TBC1D12: variants seen among roughly 807,000 people sequenced by gnomAD.
TBC1D12 encodes the protein TBC1 domain family, member 12.
TBC1D12 carries 56 observed loss-of-function variants against 86.7 expected under a neutral mutation model. The ratio of observed to expected loss-of-function variants is 0.65; its 90% confidence interval spans 0.52 to 0.81. TBC1D12 has a LOEUF of 0.81. Ranked by LOEUF, TBC1D12 falls within the 30% of genes least tolerant of loss-of-function variation. The probability of loss-of-function intolerance (pLI) is 0.00; values close to 1 mark genes in which losing one functional copy is unlikely to be tolerated. For synonymous variants in TBC1D12, 421 were observed against 411.7 expected (o/e 1.02, Z -0.27); for missense variants, 1,023 against 1,038.8 (o/e 0.98, Z 0.21).
intron 5 of TBC1D12, among the ~76,000 whole-genome samples, chr10:94,499,928 C>T (rs777660577): frequency 6.6e-5 from 10 of 151,928 alleles, no homozygotes; most frequent in Non-Finnish European, 1.3e-4. Flanking sequence ...TTTTTATGTC[C>T]CTTTTATCCT....
rs531378215 is a variant in TBC1D12 at position 94,525,811 on chromosome 10, A to G, written c.2000+3358A>G. Among the ~76,000 whole-genome samples the G allele has an allele frequency of 4.0e-4, 59 of 148,406 alleles. 1 individual carries two copies. In the South Asian group the frequency reaches 0.011, roughly 27 times the overall value. On this transcript the variant is annotated intron_variant, in intron 11 of 12. Coordinates refer to ENST00000225235, the MANE Select transcript of TBC1D12 (RefSeq NM_015188.2). ...TTTCACTCTTTTGAAGTTTTAAAAT[A>G]TTTTTTTTAGTTGACACATAATAAT...
At chr10:94,427,249 T>C (rs1046130715) in intron 1 of TBC1D12, among the ~76,000 whole-genome samples, 1 of 152,212 alleles carries the variant, frequency 6.6e-6, no homozygotes, top group Non-Finnish European at 1.5e-5. Context: ...TCTTACCTTC[T>C]GGTGACAAAT....
At chr10:94,426,378 T>C (rs1488694262) in intron 1 of TBC1D12, among the ~76,000 whole-genome samples, 1 of 152,162 alleles carries the variant, frequency 6.6e-6, no homozygotes, top group Non-Finnish European at 1.5e-5. Flanking sequence ...TAGTTTTCTT[T>C]GGATTTTTTA....
At chr10:94,447,363 A>G (rs933387339) in intron 2 of TBC1D12, among the ~76,000 whole-genome samples, 1 of 152,142 alleles carries the variant, frequency 6.6e-6, no homozygotes, top group East Asian at 1.9e-4. Flanking sequence ...ATTTAACTTT[A>G]CATGTTTTGT....
At chr10:94,478,695 C>A (rs2056031607) in intron 3 of TBC1D12, among the ~76,000 whole-genome samples, 1 of 152,206 alleles carries the variant, frequency 6.6e-6, no homozygotes, top group Admixed American at 6.5e-5. Context: ...CCATCACAAA[C>A]TCCAACCACA....
chr10:94,486,136 C>CTTTTT (rs760373766), intron 3 of TBC1D12, among the ~76,000 whole-genome samples: 177 of 120,844 alleles, frequency 1.5e-3, no homozygotes, highest in South Asian at 2.1e-3. Context: ...TCTTCTTCTT[C>CTTTTT]TTCTTTTTTT....
At chr10:94,467,294 G>A (rs1589637323) in intron 2 of TBC1D12, among the ~76,000 whole-genome samples, 2 of 151,920 alleles carry the variant, frequency 1.3e-5, no homozygotes, top group Admixed American at 1.3e-4. Context: ...GTGCGGTGGC[G>A]CTATCTCAGC....
chr10:94,410,773 A>G (rs1056739466), intron 1 of TBC1D12, among the ~76,000 whole-genome samples: 1 of 152,184 alleles, frequency 6.6e-6, no homozygotes, highest in Non-Finnish European at 1.5e-5. Context: ...TGCCTGAGAG[A>G]TAAGTAACTT....
At chr10:94,424,761 A>G (rs2055125478) in intron 1 of TBC1D12, among the ~76,000 whole-genome samples, 1 of 152,200 alleles carries the variant, frequency 6.6e-6, no homozygotes, top group Admixed American at 6.5e-5. Flanking sequence ...GAGGGGACCC[A>G]TGGGCCAAAG....
Position 94,402,951 on chromosome 10 carries a change from C to T in TBC1D12, c.338C>T (p.Ser113Leu), listed in dbSNP as rs775565081. The T allele has an allele frequency of 3.2e-6, 5 of 1,567,912 alleles. No individual in the cohort carries two copies. Among genetic ancestry groups the T allele is most frequent in the East Asian group, 2.5e-5 (1 of 40,212 alleles). The change falls in exon 1 of 13, where the codon TCG becomes TTG. Residue 113 changes from serine to leucine, a missense_variant. By Grantham distance (145) the Ser-to-Leu change is moderately radical. Transcript: ENST00000225235. ...CGATCGGACGCCTGCCTGCTGGGCT[C>T]GGGCTCCAAACACCGCGGCGCGGAG... is the stretch of plus-strand genomic sequence containing the variant. ...APRSDACLLG[S>L]GSKHRGAEVA...
At position 94,403,205 on chromosome 10, in the gene TBC1D12, C is replaced by T. The variant is rs2054795351; in HGVS notation, c.592C>T (p.Pro198Ser). 1 of 1,502,524 alleles carries T rather than the reference C, an allele frequency of 6.7e-7. No homozygotes were observed. The highest frequency in any genetic ancestry group is 8.9e-7 in the Non-Finnish European group (1 of 1,128,168). The allele number at this position is 1,502,524 out of a possible 1,614,324, so 93.1% of individuals were successfully genotyped here. A position where few individuals can be genotyped will look rare whatever the true frequency, so the allele number is the denominator to read the frequency against. Residue 198 changes from proline to serine, a missense_variant, in exon 1 of 13, where the codon CCG (proline) becomes TCG (serine). Physicochemically the swap from Pro to Ser is moderately conservative, Grantham distance 74. Transcript: ENST00000225235. Reference protein sequence around the residue: ...PSDWASPLEDPLRSCCLVAAD... With the variant: ...PSDWASPLEDSLRSCCLVAAD... The stretch of plus-strand genomic sequence containing the variant: ...CGATTGGGCCTCTCCGCTTGAGGAC[C>T]CGCTGCGGAGCTGCTGCCTGGTGGC...
chr10:94,439,495 G>C (rs1369257394), intron 1 of TBC1D12, among the ~76,000 whole-genome samples: 2 of 152,140 alleles, frequency 1.3e-5, no homozygotes, highest in Admixed American at 1.3e-4. Flanking sequence ...TGAGCAGGCT[G>C]CAGGAACGCC....
intron 2 of TBC1D12, among the ~76,000 whole-genome samples, chr10:94,455,171 A>C (rs1352803288): frequency 2.0e-5 from 3 of 152,036 alleles, no homozygotes; most frequent in Non-Finnish European, 4.4e-5. Flanking sequence ...TCTTGATGCA[A>C]TTGATTAAAT....
intron 1 of TBC1D12, among the ~76,000 whole-genome samples, chr10:94,421,711 T>C (rs1373801227): frequency 6.6e-6 from 1 of 152,190 alleles, no homozygotes; most frequent in Admixed American, 6.5e-5. Flanking sequence ...GAAAAAAAAA[T>C]TACAGCCATC....
At chr10:94,487,122 C>T (rs753070357) in intron 3 of TBC1D12, among the ~76,000 whole-genome samples, 22 of 151,928 alleles carry the variant, frequency 1.4e-4, no homozygotes, top group African/African-American at 4.1e-4. Flanking sequence ...ATAAATATAG[C>T]GACTCTTTCT....
At chr10:94,492,204 A>G (rs2056254764) in intron 3 of TBC1D12, among the ~76,000 whole-genome samples, 1 of 152,172 alleles carries the variant, frequency 6.6e-6, no homozygotes, top group Non-Finnish European at 1.5e-5. Flanking sequence ...GTATAGGAAA[A>G]AACCTGGTAT....
intron 11 of TBC1D12, among the ~76,000 whole-genome samples, chr10:94,527,335 C>T (rs1010340581): frequency 2.0e-5 from 3 of 151,538 alleles, no homozygotes; most frequent in East Asian, 1.9e-4. Flanking sequence ...AGTGATCCAC[C>T]GTCTCAGCTT....
At chr10:94,495,635 C>T (rs1392583550) in intron 4 of TBC1D12, among the ~76,000 whole-genome samples, 7 of 152,156 alleles carry the variant, frequency 4.6e-5, no homozygotes, top group Non-Finnish European at 7.4e-5. Context: ...TGGTGTGATA[C>T]TCTGAACAGG....
intron 1 of TBC1D12, among the ~76,000 whole-genome samples, chr10:94,441,278 A>G (rs990474401): frequency 6.6e-6 from 1 of 151,874 alleles, no homozygotes; most frequent in African/African-American, 2.4e-5. Flanking sequence ...TATATATATT[A>G]TAGCAATAGG....
Sources: allele counts gnomAD v4.1 joint callset (sites outside exome capture counted in the v4.1 genomes callset), GRCh38; gene constraint gnomAD v4.1.1; transcripts MANE v1.5; gene names NCBI Gene and HGNC (gene_info 2026-07-23, HGNC 2026-07-21).